The following CDCA7L variants were observed in gnomAD, a reference collection of about 807,000 sequenced individuals.
The protein encoded by CDCA7L is cell division cycle associated 7 like, also known as cell division cycle-associated 7-like protein.
Under a neutral mutation model 57.4 loss-of-function variants are expected in CDCA7L, and 44 were observed. The ratio of observed to expected loss-of-function variants is 0.77; its 90% confidence interval spans 0.60 to 0.98. The LOEUF is 0.98. Ranked by LOEUF, CDCA7L falls within the 50% of genes least tolerant of loss-of-function variation. The pLI is 0.00. For synonymous variants in CDCA7L, 236 were observed against 202.8 expected (o/e 1.16, Z -1.39); for missense variants, 644 against 580.6 (o/e 1.11, Z -1.12).
rs1372282045 is a variant in CDCA7L, at chr7:21,901,417, A to C, written c.*905T>G. 1 of 1,053,226 alleles carries C rather than the reference A, an allele frequency of 9.5e-7. No individual in the cohort carries two copies. The highest frequency in any genetic ancestry group is 1.3e-6 in the Non-Finnish European group (1 of 792,010). 65.2% of individuals were successfully genotyped at this position (1,053,226 alleles called of 1,614,324 possible). On this transcript the variant is annotated 3_prime_UTR_variant, in exon 10 of 10. Coordinates refer to ENST00000406877, the MANE Select transcript of CDCA7L (RefSeq NM_018719.5). ...GTGAAAGTCAGAAAAAAATACTAGA[A>C]ACTAACTCAGGGCTGAGCGTGGTGG...
intron 1 of CDCA7L, among the ~76,000 whole-genome samples, chr7:21,939,893 G>C (rs55681513): frequency 0.14 from 21,242 of 149,094 alleles, 1,635 homozygotes; most frequent in East Asian, 0.33. Context: ...GGAGCACCCT[G>C]GTCTGTTAGG....
intron 7 of CDCA7L, among the ~76,000 whole-genome samples, chr7:21,904,848 G>GCTGT (rs1287439450): frequency 6.6e-6 from 1 of 152,176 alleles, no homozygotes; most frequent in Non-Finnish European, 1.5e-5. Context: ...AAATGATCAG[G>GCTGT]CTGTCAGGAA....
intron 1 of CDCA7L, among the ~76,000 whole-genome samples, chr7:21,926,756 C>T (rs188371075): frequency 1.7e-3 from 263 of 152,200 alleles, no homozygotes; most frequent in Non-Finnish European, 2.9e-3. Context: ...GCCTGTAGTC[C>T]CTGCTACTTG....
intron 1 of CDCA7L, among the ~76,000 whole-genome samples, chr7:21,940,495 CG>C (rs1264486592): frequency 6.6e-6 from 1 of 152,108 alleles, no homozygotes. Flanking sequence ...AAAACTGAGT[CG>C]TAAGTGGTAG....
At chr7:21,926,639 A>G (rs1276368024) in intron 1 of CDCA7L, among the ~76,000 whole-genome samples, 3 of 152,154 alleles carry the variant, frequency 2.0e-5, no homozygotes, top group Non-Finnish European at 4.4e-5. Context: ...TGGAAGGCTG[A>G]GGCAGGAGGA....
chr7:21,905,428 TAG>T, intron 7 of CDCA7L, 76 bp downstream of exon 7: 1 of 1,495,788 alleles, frequency 6.7e-7, no homozygotes. Context: ...TAAGCCCTGA[TAG>T]AGTTTAAAAA....
chr7:21,922,586 A>C (rs1196120609), intron 1 of CDCA7L, among the ~76,000 whole-genome samples: 1 of 152,214 alleles, frequency 6.6e-6, no homozygotes, highest in Non-Finnish European at 1.5e-5. Context: ...TCTGTGGGAC[A>C]CCAAGGAAAC....
At position 21,906,365 on chromosome 7, in the gene CDCA7L, G is replaced by A; in HGVS notation, c.845C>T (p.Ala282Val). Reference protein sequence around the residue: ...TRSARPPEKFALENFTVSAAK... With the variant: ...TRSARPPEKFVLENFTVSAAK... ...GGCTGAGACAGTGAAGTTCTCTAGA[G>A]CAAACTTCTCAGGAGGCCGCGCACT... is the stretch of plus-strand genomic sequence containing the variant. The change falls in exon 6 of 10, where the codon GCT becomes GTT. Residue 282 changes from alanine (A) to valine (V), a missense_variant. Ala to Val is a moderately conservative substitution (Grantham distance 64, BLOSUM62 0). Transcript: ENST00000406877. 1 of 1,613,788 alleles carries A rather than the reference G, an allele frequency of 6.2e-7. No homozygotes were observed. Among genetic ancestry groups the A allele is most frequent in the Non-Finnish European group, 8.5e-7 (1 of 1,179,816 alleles).
intron 1 of CDCA7L, among the ~76,000 whole-genome samples, chr7:21,930,697 CAAAAAAAAAA>C (rs56701381): frequency 1.9e-5 from 1 of 51,790 alleles, no homozygotes; most frequent in Non-Finnish European, 3.3e-5. Flanking sequence ...GACTCCGTCT[CAAAAAAAAAA>C]AAAAAAAAAA....
chr7:21,941,237 A>T (rs1470179069), intron 1 of CDCA7L, among the ~76,000 whole-genome samples: 1 of 152,236 alleles, frequency 6.6e-6, no homozygotes, highest in Admixed American at 6.5e-5. Context: ...AACAGAAAAT[A>T]CATAAAATAC....
At position 21,906,631 on chromosome 7, in the gene CDCA7L, C is replaced by A. The variant is rs188087480; in HGVS notation, c.690G>T (p.Gln230His). 1.2e-6 allele frequency: 2 copies of A among 1,613,888 alleles called. No individual in the cohort carries two copies. Among genetic ancestry groups the A allele is most frequent in the Non-Finnish European group, 1.7e-6 (2 of 1,180,004 alleles). ...GCATCGAGTTCAATTCCGCCAATAA[C>A]TGGGCAAGCTGAAGTTCAGAACAAA... Reference protein sequence around the residue: ...NIKENKAMLAQLLAELNSMPD... With the variant: ...NIKENKAMLAHLLAELNSMPD... Residue 230 changes from glutamine (Q) to histidine (H), a missense_variant, in exon 5 of 10, where the codon CAG becomes CAT. Gln to His is a conservative substitution (Grantham distance 24). Coordinates refer to ENST00000406877, the MANE Select transcript of CDCA7L (RefSeq NM_018719.5).
At chr7:21,931,716 G>A (rs200864709) in intron 1 of CDCA7L, among the ~76,000 whole-genome samples, 7 of 152,064 alleles carry the variant, frequency 4.6e-5, no homozygotes, top group South Asian at 2.1e-4. Flanking sequence ...GAAAACCAGC[G>A]CAAGACAAGG....
rs552739026 is a variant in CDCA7L, at chr7:21,918,200, T to C, written c.25-1306A>G. Among the ~76,000 whole-genome samples, 5 of 152,312 alleles carry C rather than the reference T, an allele frequency of 3.3e-5. No individual in the cohort carries two copies. The East Asian group carries it at 9.6e-4, about 29-fold the overall frequency. On this transcript the variant is annotated intron_variant, in intron 1 of 9. Coordinates refer to ENST00000406877, the MANE Select transcript of CDCA7L (RefSeq NM_018719.5). Reference sequence around the variant, plus strand: ...TTAATTAGTAATTTTTAAAAAATTTTTCATTATAAAAACTTTCAAAGATAT... The same window carrying C: ...TTAATTAGTAATTTTTAAAAAATTTCTCATTATAAAAACTTTCAAAGATAT...
intron 1 of CDCA7L, among the ~76,000 whole-genome samples, chr7:21,922,587 C>G (rs1785685903): frequency 6.6e-6 from 1 of 152,104 alleles, no homozygotes; most frequent in Non-Finnish European, 1.5e-5. Context: ...CTGTGGGACA[C>G]CAAGGAAACT....
intron 1 of CDCA7L, among the ~76,000 whole-genome samples, chr7:21,936,153 G>T (rs570074535): frequency 3.1e-4 from 47 of 152,062 alleles, no homozygotes; most frequent in Non-Finnish European, 5.4e-4. Context: ...CAGAAGATCT[G>T]AATATATTTG....
At position 21,932,407 on chromosome 7, in the gene CDCA7L, C is replaced by T. The variant is rs541636874; in HGVS notation, c.24+13374G>A. Reference sequence around the variant, plus strand: ...TGCTACCTGATTTCAATCTATACTACAAGGCTACAGTAACCAAAACAGCAT... The same window carrying T: ...TGCTACCTGATTTCAATCTATACTATAAGGCTACAGTAACCAAAACAGCAT... On this transcript the variant is annotated intron_variant, in intron 1 of 9. Transcript: ENST00000406877. Among the ~76,000 whole-genome samples the T allele has an allele frequency of 2.6e-5, 4 of 152,304 alleles. No individual in the cohort carries two copies. In the East Asian group the frequency reaches 7.7e-4, roughly 29 times the overall value.
intron 1 of CDCA7L, among the ~76,000 whole-genome samples, chr7:21,929,415 A>C (rs1356788013): frequency 6.6e-6 from 1 of 152,128 alleles, no homozygotes; most frequent in African/African-American, 2.4e-5. Flanking sequence ...CAAAATAACC[A>C]GCTAGCATCA....
intron 3 of CDCA7L, among the ~76,000 whole-genome samples, chr7:21,909,985 G>A (rs1020272595): frequency 1.3e-5 from 2 of 152,176 alleles, no homozygotes; most frequent in African/African-American, 2.4e-5. Flanking sequence ...GGTGGGCTGG[G>A]AGGCAACAAT....
rs763552835 is a variant in CDCA7L at position 21,906,428 on chromosome 7, G to T, written c.782C>A (p.Ser261Ter). 1 of 1,610,882 alleles carries T rather than the reference G, an allele frequency of 6.2e-7. No homozygotes were observed. The highest frequency in any genetic ancestry group is 8.5e-7 in the Non-Finnish European group (1 of 1,178,280). The change falls in exon 6 of 10, where the codon TCG (serine) becomes TAG (stop). Residue 261 changes from serine to a stop codon, truncating the protein, a stop_gained. Coordinates refer to ENST00000406877, the MANE Select transcript of CDCA7L (RefSeq NM_018719.5). LOFTEE classifies it high-confidence loss of function. ...SRKKTVRRAF[S>*]EGQITRRMNP... ...CATACGCCGCGTGATCTGTCCCTCC[G>T]AGAAGGCCCGCCTCACTGTCTTCTT...
Sources: gnomAD v4.1 joint callset for allele counts (sites outside exome capture counted in the v4.1 genomes callset) on GRCh38, gnomAD v4.1.1 for gene constraint, MANE v1.5 for transcripts, NCBI Gene and HGNC (gene_info 2026-07-23, HGNC 2026-07-21) for gene names.